CFAP77: variants seen among roughly 807,000 people sequenced by gnomAD.
CFAP77 encodes cilia- and flagella-associated protein 77.
Under a neutral mutation model 31.1 loss-of-function variants are expected in CFAP77, and 25 were observed. That is an observed-to-expected ratio of 0.80 (90% CI 0.59 to 1.12). The LOEUF is 1.12. CFAP77 is among the 50% of genes most tolerant of loss of function. The pLI, the probability that CFAP77 is intolerant of heterozygous loss-of-function variation, is 0.00. For missense variants in CFAP77, 377 were observed against 397.3 expected (o/e 0.95, Z 0.44); for synonymous variants, 151 against 159.9 (o/e 0.94, Z 0.42).
intron 5 of CFAP77, among the ~76,000 whole-genome samples, chr9:132,562,705 AT>A (rs955963280): frequency 1.6e-3 from 228 of 146,742 alleles, no homozygotes; most frequent in African/African-American, 4.4e-3. Context: ...GTTTTATTTT[AT>A]TTTTTTTTTT....
At position 132,542,920 on chromosome 9, in the gene CFAP77, C is replaced by A. The variant is rs78783314; in HGVS notation, c.631-26C>A. ...TCTCCAAGTAGCCGGGCAACCATCT[C>A]ACCTTTGCCTTTCCCTGGCCTACAG... On this transcript the variant is annotated intron_variant, in intron 4 of 5. Coordinates refer to ENST00000393216, the MANE Select transcript of CFAP77 (RefSeq NM_001282957.2). The A allele has an allele frequency of 4.1e-3, 6,475 of 1,584,332 alleles. 216 individuals carry two copies. The African/African-American group carries it at 0.074, about 18-fold the overall frequency.
intron 3 of CFAP77, among the ~76,000 whole-genome samples, chr9:132,536,634 T>C (rs1385725478): frequency 2.0e-5 from 3 of 152,162 alleles, no homozygotes; most frequent in Non-Finnish European, 4.4e-5. Context: ...CCTCAGGTGA[T>C]CCACCTGCCT....
In CFAP77 at chr9:132,481,098, C is replaced by A. The variant is rs987685706; in HGVS notation, c.196-17597C>A. Among the ~76,000 whole-genome samples, 8 of 152,194 alleles carry A rather than the reference C, an allele frequency of 5.3e-5. No homozygotes were observed. The highest frequency in any genetic ancestry group is 1.9e-4 in the African/African-American group (8 of 41,436). On this transcript the variant is annotated intron_variant, in intron 1 of 5. Coordinates refer to ENST00000393216, the MANE Select transcript of CFAP77 (RefSeq NM_001282957.2). This position sits in a 1 kb window ranked among gnomAD's most constrained non-coding sequence, Gnocchi z 5.0. ...CAGAATTTTAGCCATTTAGAGCCCA[C>A]CTGCTTTGCACACCCACAAAGCCAC... is the stretch of plus-strand genomic sequence containing the variant.
intron 5 of CFAP77, among the ~76,000 whole-genome samples, chr9:132,556,030 C>T (rs1341107774): frequency 1.3e-5 from 2 of 152,062 alleles, no homozygotes; most frequent in Non-Finnish European, 2.9e-5. Context: ...GGCACCTGCC[C>T]CGGTGGGAGA....
chr9:132,497,231 G>T lies in CFAP77; in HGVS notation c.196-1464G>T, dbSNP rs1479415971. Among the ~76,000 whole-genome samples, 1 of 152,120 alleles carries T rather than the reference G, an allele frequency of 6.6e-6. No homozygotes were observed. Among genetic ancestry groups the T allele is most frequent in the Non-Finnish European group, 1.5e-5 (1 of 68,024 alleles). Reference sequence around the variant, plus strand: ...GCCTGGACTGCCAGCAGAGGGAAGGGTTTATTTCAGAGGCAGTGATGAGCC... The same window carrying T: ...GCCTGGACTGCCAGCAGAGGGAAGGTTTTATTTCAGAGGCAGTGATGAGCC... On this transcript the variant is annotated intron_variant, in intron 1 of 5. Transcript: ENST00000393216. The surrounding 1 kb of genome is among the most constrained non-coding windows in gnomAD (Gnocchi z 4.9).
chr9:132,482,482 C>A, intron 1 of CFAP77: 4 of 1,285,848 alleles, frequency 3.1e-6, no homozygotes, highest in Non-Finnish European at 4.5e-6. Flanking sequence ...GGGCCCCTCC[C>A]GGCTTCCGCA....
At chr9:132,506,291 GAT>G (rs1017969247) in intron 3 of CFAP77, among the ~76,000 whole-genome samples, 3 of 152,222 alleles carry the variant, frequency 2.0e-5, no homozygotes, top group Non-Finnish European at 2.9e-5. Context: ...TCCGGAAACA[GAT>G]ATGTCTGGAG....
At chr9:132,420,391 G>A (rs1345786220) in intron 1 of CFAP77, among the ~76,000 whole-genome samples, 1 of 151,694 alleles carries the variant, frequency 6.6e-6, no homozygotes, top group East Asian at 1.9e-4. Context: ...GAATGGACAT[G>A]CCTGTAATCC....
intron 3 of CFAP77, among the ~76,000 whole-genome samples, chr9:132,523,396 C>CT (rs1852304039): frequency 6.6e-6 from 1 of 152,190 alleles, no homozygotes. Context: ...ACCTTCCAGT[C>CT]TTTTTTTCAT....
At chr9:132,462,611 C>T (rs528037632) in intron 1 of CFAP77, among the ~76,000 whole-genome samples, 4 of 152,064 alleles carry the variant, frequency 2.6e-5, no homozygotes, top group Admixed American at 2.0e-4. Context: ...GTCAGGAGTT[C>T]GAGACCAGCC....
At chr9:132,486,072 A>T (rs1851547486) in intron 1 of CFAP77, among the ~76,000 whole-genome samples, 2 of 14,468 alleles carry the variant, frequency 1.4e-4, no homozygotes, top group Non-Finnish European at 2.1e-4. Context: ...GTGTGTATAT[A>T]TATATATATA....
intron 3 of CFAP77, among the ~76,000 whole-genome samples, chr9:132,519,981 C>T (rs12156597): frequency 6.6e-6 from 1 of 151,862 alleles, no homozygotes; most frequent in Non-Finnish European, 1.5e-5. Flanking sequence ...AACGAGTGAA[C>T]GTAGAGTTGA....
At chr9:132,536,893 C>T (rs1019517367) in intron 3 of CFAP77, among the ~76,000 whole-genome samples, 1 of 152,132 alleles carries the variant, frequency 6.6e-6, no homozygotes, top group Non-Finnish European at 1.5e-5. Flanking sequence ...GGGAATAATA[C>T]TAGTATCCAT....
chr9:132,429,713 G>A (rs909593572), intron 1 of CFAP77, among the ~76,000 whole-genome samples: 3 of 148,986 alleles, frequency 2.0e-5, no homozygotes, highest in Non-Finnish European at 3.0e-5. Flanking sequence ...AAAGTTAGCC[G>A]GACATGGTCG....
intron 3 of CFAP77, among the ~76,000 whole-genome samples, chr9:132,509,849 C>T (rs1213949904): frequency 1.3e-5 from 2 of 152,054 alleles, no homozygotes; most frequent in African/African-American, 4.8e-5. Context: ...CCATCTTTTC[C>T]CCCTTCCACT....
intron 1 of CFAP77, among the ~76,000 whole-genome samples, chr9:132,425,307 A>G (rs530087908): frequency 6.6e-6 from 1 of 152,236 alleles, no homozygotes; most frequent in Admixed American, 6.5e-5. Context: ...TGTGAGCAGA[A>G]GGGCCCGATT....
intron 5 of CFAP77, among the ~76,000 whole-genome samples, chr9:132,547,595 G>T (rs746575697): frequency 6.6e-6 from 1 of 152,206 alleles, no homozygotes; most frequent in Non-Finnish European, 1.5e-5. Flanking sequence ...GCTGGCCGCT[G>T]GCTTGGGGTG....
intron 1 of CFAP77, among the ~76,000 whole-genome samples, chr9:132,477,721 T>C (rs1851373988): frequency 6.6e-6 from 1 of 152,176 alleles, no homozygotes; most frequent in Non-Finnish European, 1.5e-5. Context: ...CTCCCTTTCT[T>C]GAGCATCTGA....
In CFAP77 at chr9:132,498,554, C is replaced by A. The variant is rs867744244; in HGVS notation, c.196-141C>A. ...GCGCTCCTCCCAGGGAGGGCTCTGCCACCCACTCCTGTGCCACCCTGAAGG... is the reference window on the plus strand; with the variant it reads ...GCGCTCCTCCCAGGGAGGGCTCTGCAACCCACTCCTGTGCCACCCTGAAGG... On this transcript the variant is annotated intron_variant, in intron 1 of 5. Coordinates refer to ENST00000393216, the MANE Select transcript of CFAP77 (RefSeq NM_001282957.2). The surrounding 1 kb of genome is among the most constrained non-coding windows in gnomAD (Gnocchi z 4.2). The A allele has an allele frequency of 3.1e-6, 2 of 639,262 alleles. No individual in the cohort carries two copies. Among genetic ancestry groups the A allele is most frequent in the Middle Eastern group, 6.5e-4 (2 of 3,090 alleles). 39.6% of individuals were successfully genotyped at this position (639,262 alleles called of 1,614,324 possible). A position where few individuals can be genotyped will look rare whatever the true frequency, so the allele number is the denominator to read the frequency against.
Sources: allele counts gnomAD v4.1 joint callset (sites outside exome capture counted in the v4.1 genomes callset), GRCh38; gene constraint gnomAD v4.1.1; non-coding constraint Gnocchi (gnomAD v3.1); transcripts MANE v1.5; gene names NCBI Gene and HGNC (gene_info 2026-07-23, HGNC 2026-07-21).